ANKS1B: variants seen among roughly 807,000 people sequenced by gnomAD.
ANKS1B encodes the protein ankyrin repeat and sterile alpha motif domain-containing protein 1B.
ANKS1B carries 36 observed loss-of-function variants against 148.3 expected under a neutral mutation model. The observed-to-expected ratio is 0.24, with a 90% CI of 0.19 to 0.32. The LOEUF is 0.32. ANKS1B is among the 10% of genes least tolerant of loss of function. The pLI is 1.00. For missense variants in ANKS1B, 1,157 were observed against 1,542.6 expected (o/e 0.75, Z 4.19); for synonymous variants, 542 against 560.8 (o/e 0.97, Z 0.47).
chr12:99,786,381 A>G (rs2065010686), intron 4 of ANKS1B, among the ~76,000 whole-genome samples: 1 of 152,152 alleles, frequency 6.6e-6, no homozygotes, highest in African/African-American at 2.4e-5. Context: ...CAGCCACTCA[A>G]GGTACGAGTG....
At chr12:99,748,229 C>T (rs1225954839) in intron 8 of ANKS1B, among the ~76,000 whole-genome samples, 1 of 151,932 alleles carries the variant, frequency 6.6e-6, no homozygotes. Flanking sequence ...CCATGAACAC[C>T]AAGATAATGT....
rs1599834619 is a variant in ANKS1B at position 99,693,360 on chromosome 12, T to C, written c.1129-38150A>G. On this transcript the variant is annotated intron_variant, in intron 8 of 26. Coordinates refer to ENST00000683438, the MANE Select transcript of ANKS1B (RefSeq NM_001352186.2). ...CCATTAAAGCAGAGACAGGACAAAA[T>C]CTAAGTGTAAAAAAACCAGAAACAA... Among the ~76,000 whole-genome samples the C allele has an allele frequency of 2.0e-5, 3 of 152,082 alleles. No homozygotes were observed. The South Asian group carries it at 6.2e-4, about 31-fold the overall frequency.
At chr12:99,441,339 T>C (rs936457379) in intron 11 of ANKS1B, among the ~76,000 whole-genome samples, 3 of 151,848 alleles carry the variant, frequency 2.0e-5, no homozygotes, top group African/African-American at 7.3e-5. Context: ...CATCCATCCA[T>C]CCTCTATGCA....
intron 12 of ANKS1B, among the ~76,000 whole-genome samples, chr12:99,365,617 CA>C (rs767400421): frequency 2.0e-5 from 3 of 152,062 alleles, no homozygotes; most frequent in Non-Finnish European, 4.4e-5. Flanking sequence ...GGGCCTGAGG[CA>C]AAAACTACAC....
chr12:99,488,719 G>A (rs1275117492), intron 10 of ANKS1B, among the ~76,000 whole-genome samples: 1 of 152,026 alleles, frequency 6.6e-6, no homozygotes, highest in East Asian at 1.9e-4. Context: ...TCACGAGCTG[G>A]GCTGCTATTC....
In ANKS1B at chr12:99,356,797, C is replaced by T. The variant is rs563932175; in HGVS notation, c.1756+42834G>A. Among the ~76,000 whole-genome samples, 4 of 152,056 alleles carry T rather than the reference C, an allele frequency of 2.6e-5. No individual in the cohort carries two copies. The South Asian group carries it at 6.2e-4, about 24-fold the overall frequency. ...AAAACCTGCTTTACTCTTTAAAAAC[C>T]GAAGCCAGTTAAGTCTATACGTGTT... On this transcript the variant is annotated intron_variant, in intron 12 of 26. Coordinates refer to ENST00000683438, the MANE Select transcript of ANKS1B (RefSeq NM_001352186.2).
At chr12:98,962,414 A>G (rs1487219946) in intron 17 of ANKS1B, among the ~76,000 whole-genome samples, 1 of 149,486 alleles carries the variant, frequency 6.7e-6, no homozygotes, top group African/African-American at 2.4e-5. Flanking sequence ...TATATAATAT[A>G]TATTTTCACC....
Position 98,794,012 on chromosome 12 carries a change from TAAC to T in ANKS1B, c.3342+4919_3342+4921del, listed in dbSNP as rs1235378866. Among the ~76,000 whole-genome samples, 5 of 152,168 alleles carry T rather than the reference TAAC, an allele frequency of 3.3e-5. No individual in the cohort carries two copies. The South Asian group carries it at 6.2e-4, about 19-fold the overall frequency. ...GAAGTGGGAGTTATTCATACCAACA[TAAC>T]AACAACAACAAACCCACTGAAAAGT... On this transcript the variant is annotated intron_variant, in intron 22 of 26. Coordinates refer to ENST00000683438, the MANE Select transcript of ANKS1B (RefSeq NM_001352186.2).
At chr12:99,812,578 AAGAG>A (rs1041449853) in intron 2 of ANKS1B, among the ~76,000 whole-genome samples, 2 of 120,896 alleles carry the variant, frequency 1.7e-5, no homozygotes, top group Admixed American at 8.6e-5. Flanking sequence ...GAGAGAGAGA[AAGAG>A]AGCGAGAGCA....
At chr12:99,214,855 G>C (rs1346982622) in intron 14 of ANKS1B, among the ~76,000 whole-genome samples, 6 of 152,182 alleles carry the variant, frequency 3.9e-5, no homozygotes, top group Non-Finnish European at 8.8e-5. Context: ...AAAAGTCCAG[G>C]CTGAGGTGGT....
At chr12:99,719,695 G>A (rs939482938) in intron 8 of ANKS1B, among the ~76,000 whole-genome samples, 1 of 151,890 alleles carries the variant, frequency 6.6e-6, no homozygotes, top group Admixed American at 6.6e-5. Flanking sequence ...ACCACCATGC[G>A]AGAGGTTTCC....
intron 1 of ANKS1B, among the ~76,000 whole-genome samples, chr12:99,841,998 T>C: frequency 6.6e-6 from 1 of 152,166 alleles, no homozygotes; most frequent in East Asian, 1.9e-4. Flanking sequence ...CTACTCTCTG[T>C]TCTTAACTAT....
At chr12:99,099,043 C>T (rs1337149309) in intron 15 of ANKS1B, among the ~76,000 whole-genome samples, 1 of 152,082 alleles carries the variant, frequency 6.6e-6, no homozygotes, top group Non-Finnish European at 1.5e-5. Context: ...AGACCCTCTT[C>T]ATTGGTCTCT....
intron 17 of ANKS1B, among the ~76,000 whole-genome samples, chr12:99,003,332 T>C (rs1163692475): frequency 1.3e-5 from 2 of 152,218 alleles, no homozygotes; most frequent in African/African-American, 4.8e-5. Flanking sequence ...TATTTCCATA[T>C]AAATTTTAGA....
intron 17 of ANKS1B, chr12:98,893,631 C>T (rs149850): frequency 0.87 from 131,869 of 152,262 alleles, 57,552 homozygotes; most frequent in East Asian, 0.94. Flanking sequence ...TTATAAGTGT[C>T]TAAGAATCAT....
At chr12:99,906,778 T>C (rs1157553799) in intron 1 of ANKS1B, among the ~76,000 whole-genome samples, 1 of 152,264 alleles carries the variant, frequency 6.6e-6, no homozygotes, top group East Asian at 1.9e-4. Flanking sequence ...CATATGCTTC[T>C]TTATTCTATC....
intron 11 of ANKS1B, among the ~76,000 whole-genome samples, chr12:99,433,193 A>G (rs1182853760): frequency 6.6e-6 from 1 of 152,102 alleles, no homozygotes; most frequent in Non-Finnish European, 1.5e-5. Flanking sequence ...TGGTCTCAAG[A>G]TCCCTTGATG....
chr12:99,967,417 T>C (rs940203881), intron 1 of ANKS1B, among the ~76,000 whole-genome samples: 1 of 152,084 alleles, frequency 6.6e-6, no homozygotes, highest in Non-Finnish European at 1.5e-5. Flanking sequence ...ATTTTTCCAT[T>C]ACGGTTTTTT....
At chr12:98,997,116 C>G (rs1201133891) in intron 17 of ANKS1B, among the ~76,000 whole-genome samples, 1 of 152,038 alleles carries the variant, frequency 6.6e-6, no homozygotes, top group African/African-American at 2.4e-5. Flanking sequence ...GCAAAAAACA[C>G]TATAAAATTT....
Sources: gnomAD v4.1 joint callset for allele counts (sites outside exome capture counted in the v4.1 genomes callset) on GRCh38, gnomAD v4.1.1 for gene constraint, MANE v1.5 for transcripts, NCBI Gene and HGNC (gene_info 2026-07-23, HGNC 2026-07-21) for gene names.